Variants in FRMD4A observed in about 807,000 individuals in gnomAD.
The protein encoded by FRMD4A is FERM domain containing 4A, also known as FERM domain-containing protein 4A.
In FRMD4A, 29 loss-of-function variants were observed where a neutral mutation model predicts 129.1. That is an observed-to-expected ratio of 0.22 (90% CI 0.17 to 0.31). The LOEUF is 0.31. FRMD4A is among the 10% of genes least tolerant of loss of function. The pLI, the probability that FRMD4A is intolerant of heterozygous loss-of-function variation, is 1.00. For missense variants in FRMD4A, 1,272 were observed against 1,375.8 expected (o/e 0.92, Z 1.19); for synonymous variants, 634 against 571.6 (o/e 1.11, Z -1.56).
At chr10:14,327,015 G>T in intron 2 of FRMD4A, 1 of 398,622 alleles carries the variant, frequency 2.5e-6, no homozygotes, top group Non-Finnish European at 4.4e-6. Context: ...CCCTCTGTGA[G>T]CTGTCCGTTG....
At chr10:13,983,567 T>G (rs191619604) in intron 2 of FRMD4A, among the ~76,000 whole-genome samples, 65 of 152,240 alleles carry the variant, frequency 4.3e-4, no homozygotes, top group Non-Finnish European at 7.8e-4. Context: ...TAAAATATAA[T>G]TCCCTAGAGA....
At chr10:14,293,146 C>T (rs12415355) in intron 2 of FRMD4A, among the ~76,000 whole-genome samples, 36,966 of 152,068 alleles carry the variant, frequency 0.24, 5,320 homozygotes, top group Middle Eastern at 0.31. Flanking sequence ...TCCAATGCAA[C>T]AGTGTTGAGA....
At chr10:14,328,945 A>G (rs967249171) in intron 2 of FRMD4A, among the ~76,000 whole-genome samples, 33 of 152,222 alleles carry the variant, frequency 2.2e-4, no homozygotes, top group African/African-American at 8.0e-4. Flanking sequence ...ATGAGAAGTC[A>G]GCAGAGGCCC....
intron 15 of FRMD4A, among the ~76,000 whole-genome samples, chr10:13,689,204 G>GGTGGGGGGGGGGT (rs1554843982): frequency 6.1e-5 from 2 of 32,894 alleles, no homozygotes; most frequent in Non-Finnish European, 1.2e-4. Flanking sequence ...TTTGCGGGGG[G>GGTGGGGGGGGGGT]GGGGGGGGGG....
intron 2 of FRMD4A, among the ~76,000 whole-genome samples, chr10:14,185,414 A>T (rs895983703): frequency 6.6e-6 from 1 of 152,226 alleles, no homozygotes; most frequent in African/African-American, 2.4e-5. Context: ...TACCACCCTA[A>T]GCGTAAGGAG....
At position 14,185,602 on chromosome 10, in the gene FRMD4A, G is replaced by C. The variant is rs75218992; in HGVS notation, c.45+144456C>G. Among the ~76,000 whole-genome samples the C allele has an allele frequency of 1.4e-4, 20 of 144,180 alleles. No homozygotes were observed. The East Asian group carries it at 3.6e-3, about 26-fold the overall frequency. 94.6% of individuals were successfully genotyped at this position (144,180 alleles called of 152,430 possible). A position where few individuals can be genotyped will look rare whatever the true frequency, so the allele number is the denominator to read the frequency against. On this transcript the variant is annotated intron_variant, in intron 2 of 24. Coordinates refer to ENST00000357447, the MANE Select transcript of FRMD4A (RefSeq NM_018027.5). ...GTCTTGTAAGAAAGAGAAACAGGTA[G>C]AGAGACAGAAAGGGGATATATACTT... is the stretch of plus-strand genomic sequence containing the variant.
intron 2 of FRMD4A, among the ~76,000 whole-genome samples, chr10:13,906,156 G>A (rs11258718): frequency 0.013 from 1,964 of 152,312 alleles, 43 homozygotes; most frequent in African/African-American, 0.044. Flanking sequence ...GATTTTCAAC[G>A]TAACCCTCAT....
chr10:13,703,462 C>G (rs2087071029), intron 13 of FRMD4A, among the ~76,000 whole-genome samples: 1 of 152,160 alleles, frequency 6.6e-6, no homozygotes, highest in African/African-American at 2.4e-5. Context: ...GCAATCACAC[C>G]TGAGCCCATC....
At chr10:13,948,896 C>T (rs1047118250) in intron 2 of FRMD4A, among the ~76,000 whole-genome samples, 18 of 151,584 alleles carry the variant, frequency 1.2e-4, no homozygotes, top group Non-Finnish European at 1.8e-4. Flanking sequence ...GTGGTCTGCC[C>T]GCCTCGGCCT....
At chr10:14,039,411 T>C (rs2447018) in intron 2 of FRMD4A, among the ~76,000 whole-genome samples, 4,936 of 53,858 alleles carry the variant, frequency 0.092, 148 homozygotes, top group East Asian at 0.22. Flanking sequence ...TCCATCCATC[T>C]ATCTATCTAT....
At chr10:13,762,965 T>C (rs903386978) in intron 6 of FRMD4A, among the ~76,000 whole-genome samples, 1 of 151,954 alleles carries the variant, frequency 6.6e-6, no homozygotes, top group African/African-American at 2.4e-5. Context: ...ATGGGGTGAG[T>C]GAGACCCTGG....
intron 12 of FRMD4A, among the ~76,000 whole-genome samples, chr10:13,717,415 G>A (rs1282342099): frequency 1.3e-5 from 2 of 152,110 alleles, no homozygotes; most frequent in Non-Finnish European, 2.9e-5. Context: ...CCGGGTTCAA[G>A]CGATTCTCCT....
chr10:13,736,356 G>C (rs1454040827), intron 12 of FRMD4A, among the ~76,000 whole-genome samples: 1 of 152,116 alleles, frequency 6.6e-6, no homozygotes, highest in Non-Finnish European at 1.5e-5. Context: ...GAAAAGGTAA[G>C]AACAGGGGGT....
At chr10:13,693,680 T>G (rs1460822807) in intron 15 of FRMD4A, 6 of 688,604 alleles carry the variant, frequency 8.7e-6, no homozygotes, top group African/African-American at 3.8e-5. Context: ...GTGGTTCTAC[T>G]GATGCTTTTT....
intron 2 of FRMD4A, among the ~76,000 whole-genome samples, chr10:14,221,993 TG>T (rs1843277739): frequency 6.6e-6 from 1 of 152,248 alleles, no homozygotes; most frequent in Admixed American, 6.5e-5. Flanking sequence ...AATTACTTCT[TG>T]TAGGTTTTGC....
At chr10:14,079,693 T>C (rs1014809637) in intron 2 of FRMD4A, among the ~76,000 whole-genome samples, 4 of 152,184 alleles carry the variant, frequency 2.6e-5, no homozygotes, top group African/African-American at 9.7e-5. Flanking sequence ...TAAGACTGTG[T>C]GACAACAGCG....
At chr10:14,325,761 G>A (rs1242267038) in intron 2 of FRMD4A, among the ~76,000 whole-genome samples, 1 of 152,146 alleles carries the variant, frequency 6.6e-6, no homozygotes, top group African/African-American at 2.4e-5. Context: ...TAGTTAAAAA[G>A]GAAATTGTCC....
At chr10:13,695,235 G>A (rs1207799464) in intron 14 of FRMD4A, among the ~76,000 whole-genome samples, 2 of 152,056 alleles carry the variant, frequency 1.3e-5, no homozygotes, top group Non-Finnish European at 2.9e-5. Flanking sequence ...CTGCCTCCTG[G>A]GTTGAAGTGG....
chr10:13,862,938 G>GTT (rs34188957), intron 2 of FRMD4A, among the ~76,000 whole-genome samples: 2 of 144,654 alleles, frequency 1.4e-5, no homozygotes, highest in Admixed American at 6.9e-5. Flanking sequence ...GTTCTGTTTT[G>GTT]TTTTTTTTTT....
Sources: allele counts gnomAD v4.1 joint callset (sites outside exome capture counted in the v4.1 genomes callset), GRCh38; gene constraint gnomAD v4.1.1; transcripts MANE v1.5; gene names NCBI Gene and HGNC (gene_info 2026-07-23, HGNC 2026-07-21).